The following HMGA2 variants were observed in gnomAD, a reference collection of about 807,000 sequenced individuals.
HMGA2 encodes high mobility group AT-hook 2.
HMGA2 carries 8 observed loss-of-function variants against 19.1 expected under a neutral mutation model. That is an observed-to-expected ratio of 0.42 (90% confidence interval 0.25 to 0.76). HMGA2 has a LOEUF of 0.76. Ranked by LOEUF, HMGA2 falls within the 30% of genes least tolerant of loss-of-function variation. The probability of loss-of-function intolerance (pLI) is 0.28; values close to 1 mark genes in which losing one functional copy is unlikely to be tolerated. For missense variants in HMGA2, 109 were observed against 136.3 expected (o/e 0.80, Z 1.00); for synonymous variants, 60 against 48.8 (o/e 1.23, Z -0.96).
intron 3 of HMGA2, among the ~76,000 whole-genome samples, chr12:65,916,805 A>G (rs1875119173): frequency 6.6e-6 from 1 of 152,212 alleles, no homozygotes; most frequent in Admixed American, 6.5e-5. Context: ...AGAAGAATTG[A>G]GGGAAGGATG....
intron 3 of HMGA2, among the ~76,000 whole-genome samples, chr12:65,939,937 A>G (rs1876035438): frequency 6.6e-6 from 1 of 152,192 alleles, no homozygotes; most frequent in Non-Finnish European, 1.5e-5. Context: ...ATGGGGAACA[A>G]GCATTTTTAT....
At chr12:65,862,276 TACAC>T (rs34442419) in intron 3 of HMGA2, among the ~76,000 whole-genome samples, 15 of 144,648 alleles carry the variant, frequency 1.0e-4, no homozygotes, top group East Asian at 8.0e-4. Flanking sequence ...AAATGCACCA[TACAC>T]ACACACACAC....
intron 3 of HMGA2, chr12:65,942,498 A>G (rs1295692222): frequency 1.3e-5 from 2 of 152,030 alleles, no homozygotes; most frequent in African/African-American, 4.8e-5. Context: ...AACATTCATT[A>G]TTTTCTATGA....
intron 3 of HMGA2, chr12:65,857,435 T>C (rs538399185): frequency 1.3e-5 from 2 of 152,362 alleles, no homozygotes; most frequent in East Asian, 3.9e-4. Flanking sequence ...CTTTAGGGTT[T>C]TTGTTTGTTT....
chr12:65,861,051 AC>A (rs1216222892), intron 3 of HMGA2, among the ~76,000 whole-genome samples: 1 of 152,192 alleles, frequency 6.6e-6, no homozygotes, highest in Non-Finnish European at 1.5e-5. Context: ...TAAGAAAAAA[AC>A]GTGTCTATGA....
intron 3 of HMGA2, among the ~76,000 whole-genome samples, chr12:65,927,937 ATATG>A (rs1483423765): frequency 2.6e-5 from 3 of 116,694 alleles, no homozygotes; most frequent in South Asian, 3.6e-4. Flanking sequence ...GTCACCCAAA[ATATG>A]TATGTGAGTA....
intron 3 of HMGA2, among the ~76,000 whole-genome samples, chr12:65,951,139 G>A (rs1342268628): frequency 6.6e-6 from 1 of 152,028 alleles, no homozygotes; most frequent in Non-Finnish European, 1.5e-5. Flanking sequence ...ATGTTGCCCA[G>A]CCTGGTCTAC....
At position 65,966,001 on chromosome 12, in the gene HMGA2, A is replaced by G. The variant is rs1425723700; in HGVS notation, c.*2709A>G. 4.5e-6 allele frequency: 1 copy of G among 221,104 alleles called. No individual in the cohort carries two copies. Among genetic ancestry groups the G allele is most frequent in the Non-Finnish European group, 9.1e-6 (1 of 110,096 alleles). 13.7% of individuals were successfully genotyped at this position (221,104 alleles called of 1,614,324 possible). A position where few individuals can be genotyped will look rare whatever the true frequency, so the allele number is the denominator to read the frequency against. On this transcript the variant is annotated 3_prime_UTR_variant, in exon 5 of 5. Coordinates refer to ENST00000403681, the MANE Select transcript of HMGA2 (RefSeq NM_003483.6). ...AGACTGGACATTTAACTTTTCTACC[A>G]TTTCTGCAAGTTAGGTATGTTTGCA...
Position 65,835,628 on chromosome 12 carries a change from C to T in HMGA2, c.199-2891C>T, listed in dbSNP as rs149257753. On this transcript the variant is annotated intron_variant, in intron 2 of 4. Coordinates refer to ENST00000403681, the MANE Select transcript of HMGA2 (RefSeq NM_003483.6). ...GTAAATGAGATGCTCATTTAAAAGT[C>T]ATCTTATTTGCAGGGCTTTTTCTGT... Among the ~76,000 whole-genome samples, 67 of 152,216 alleles carry T rather than the reference C, an allele frequency of 4.4e-4. 1 individual carries two copies. In the East Asian group the frequency reaches 0.012, roughly 28 times the overall value.
chr12:65,963,143 G>A, intron 4 of HMGA2, 102 bp from the exon 5 acceptor site: 3 of 1,043,628 alleles, frequency 2.9e-6, no homozygotes, highest in African/African-American at 1.6e-5. Context: ...TTTGAGGCAA[G>A]CATAATGTGC....
intron 3 of HMGA2, among the ~76,000 whole-genome samples, chr12:65,924,800 A>G (rs1314567154): frequency 6.6e-6 from 1 of 152,172 alleles, no homozygotes; most frequent in East Asian, 1.9e-4. Flanking sequence ...CCGTCTCCAA[A>G]AAAACAAAAA....
intron 3 of HMGA2, among the ~76,000 whole-genome samples, chr12:65,895,120 A>T (rs1031460612): frequency 2.0e-5 from 3 of 152,202 alleles, no homozygotes; most frequent in Non-Finnish European, 4.4e-5. Context: ...ATAGCTCTCC[A>T]AAGATGCAAG....
intron 3 of HMGA2, among the ~76,000 whole-genome samples, chr12:65,869,621 T>A (rs911998576): frequency 6.6e-6 from 1 of 152,260 alleles, no homozygotes; most frequent in African/African-American, 2.4e-5. Flanking sequence ...TCACATTTTA[T>A]TCTGGTATAT....
At chr12:65,936,365 A>G (rs1875894771) in intron 3 of HMGA2, among the ~76,000 whole-genome samples, 1 of 152,138 alleles carries the variant, frequency 6.6e-6, no homozygotes, top group Non-Finnish European at 1.5e-5. Context: ...GCGTCACACA[A>G]TACAAAGGAA....
At position 65,824,739 on chromosome 12, in the gene HMGA2, C is replaced by CTG. The variant is rs1448436077; in HGVS notation, c.-531_-530insGT. On this transcript the variant is annotated 5_prime_UTR_variant, in exon 1 of 5. Transcript: ENST00000403681. ...TCTCTCTCTCTCTCTCTCTCTCTCT[C>CTG]TCTCTCTCTCTCTCTCTCTCTCTCT... is the stretch of plus-strand genomic sequence containing the variant. 8.9e-5 allele frequency: 20 copies of CTG among 224,104 alleles called. No homozygotes were observed. Among genetic ancestry groups the CTG allele is most frequent in the Middle Eastern group, 1.3e-3 (1 of 764 alleles). 13.9% of individuals were successfully genotyped at this position (224,104 alleles called of 1,614,324 possible). A position where few individuals can be genotyped will look rare whatever the true frequency, so the allele number is the denominator to read the frequency against.
In HMGA2 at chr12:65,825,139, G is replaced by T. The variant is rs1870081970; in HGVS notation, c.-132G>T. 2 of 690,234 alleles carry T rather than the reference G, an allele frequency of 2.9e-6. No individual in the cohort carries two copies. Among genetic ancestry groups the T allele is most frequent in the South Asian group, 2.2e-5 (1 of 46,026 alleles). The allele number at this position is 690,234 out of a possible 1,614,324, so 42.8% of individuals were successfully genotyped here. A position where few individuals can be genotyped will look rare whatever the true frequency, so the allele number is the denominator to read the frequency against. ...GGCAGCCTAAGCAACAGCAGCCCTC[G>T]CAGCCCGCCAGCTCGCGCTCGCCCC... On this transcript the variant is annotated 5_prime_UTR_variant, in exon 1 of 5. Coordinates refer to ENST00000403681, the MANE Select transcript of HMGA2 (RefSeq NM_003483.6). The surrounding 1 kb of genome is among the most constrained non-coding windows in gnomAD (Gnocchi z 4.4).
At chr12:65,836,222 G>A (rs1870715812) in intron 2 of HMGA2, among the ~76,000 whole-genome samples, 2 of 152,086 alleles carry the variant, frequency 1.3e-5, no homozygotes, top group Non-Finnish European at 2.9e-5. Context: ...AGCCGGGTGT[G>A]GTGGCAGGCG....
At chr12:65,838,998 C>CTTTTTTTTTTTTTTTTTTTTTT in intron 3 of HMGA2, among the ~76,000 whole-genome samples, 19 of 107,182 alleles carry the variant, frequency 1.8e-4, no homozygotes, top group East Asian at 5.5e-4. Flanking sequence ...TTTTCTTTTT[C>CTTTTTTTTTTTTTTTTTTTTTT]TTTTTTTTTT....
chr12:65,931,805 C>T (rs1875725317), intron 3 of HMGA2, among the ~76,000 whole-genome samples: 2 of 152,050 alleles, frequency 1.3e-5, no homozygotes, highest in South Asian at 4.1e-4. Flanking sequence ...TTAAACTTGA[C>T]AGGAGGCTGA....
Sources: gnomAD v4.1 joint callset for allele counts (sites outside exome capture counted in the v4.1 genomes callset) on GRCh38, gnomAD v4.1.1 for gene constraint, Gnocchi (gnomAD v3.1) non-coding constraint, MANE v1.5 for transcripts, NCBI Gene and HGNC (gene_info 2026-07-23, HGNC 2026-07-21) for gene names.